The following CALN1 variants were observed in gnomAD, a reference collection of about 807,000 sequenced individuals.
The protein encoded by CALN1 is calneuron 1.
In CALN1, 17 loss-of-function variants were observed where a neutral mutation model predicts 30.6. The observed-to-expected ratio is 0.56, with a 90% CI of 0.38 to 0.83. The LOEUF (loss-of-function observed/expected upper bound fraction) is 0.83. CALN1 is among the 40% of genes least tolerant of loss of function. CALN1 has a pLI of 0.00. For missense variants in CALN1, 291 were observed against 354.9 expected (o/e 0.82, Z 1.45); for synonymous variants, 156 against 131.4 (o/e 1.19, Z -1.28).
chr7:72,431,685 A>G (rs996372211), intron 1 of CALN1, among the ~76,000 whole-genome samples: 9 of 152,098 alleles, frequency 5.9e-5, no homozygotes, highest in Non-Finnish European at 1.3e-4. Context: ...TCTACAGAAT[A>G]TTTAAAAATT....
intron 2 of CALN1, among the ~76,000 whole-genome samples, chr7:72,297,288 TAAC>T (rs960439704): frequency 2.7e-4 from 41 of 151,668 alleles, no homozygotes; most frequent in Non-Finnish European, 1.3e-4. Context: ...AGTTAAAAAA[TAAC>T]AACAAAATAA....
chr7:72,062,899 A>AT (rs1184405585), intron 4 of CALN1, among the ~76,000 whole-genome samples: 2 of 152,154 alleles, frequency 1.3e-5, no homozygotes, highest in Non-Finnish European at 2.9e-5. Flanking sequence ...CATTTAAAGA[A>AT]TTTTTTTCTT....
intron 3 of CALN1, among the ~76,000 whole-genome samples, chr7:72,129,304 C>T (rs550184589): frequency 2.6e-5 from 4 of 152,080 alleles, no homozygotes; most frequent in Non-Finnish European, 5.9e-5. Context: ...AATTCTTTGA[C>T]GTGCAATTTG....
chr7:72,390,141 G>T (rs959914296), intron 2 of CALN1, among the ~76,000 whole-genome samples: 1 of 151,902 alleles, frequency 6.6e-6, no homozygotes, highest in Non-Finnish European at 1.5e-5. Context: ...AGAAATAAGG[G>T]GGATTGGGGC....
intron 5 of CALN1, among the ~76,000 whole-genome samples, chr7:71,824,908 C>A (rs1056858122): frequency 6.6e-6 from 1 of 152,066 alleles, no homozygotes; most frequent in Non-Finnish European, 1.5e-5. Context: ...TGGAGTCCTA[C>A]CTACACAGTT....
intron 4 of CALN1, among the ~76,000 whole-genome samples, chr7:72,028,743 C>T (rs1441207521): frequency 6.6e-6 from 1 of 152,182 alleles, no homozygotes; most frequent in Non-Finnish European, 1.5e-5. Context: ...GTAATCCCAA[C>T]ACTTTGGGAG....
chr7:72,078,049 G>T (rs1436030241), intron 4 of CALN1, among the ~76,000 whole-genome samples: 1 of 152,130 alleles, frequency 6.6e-6, no homozygotes, highest in Non-Finnish European at 1.5e-5. Flanking sequence ...AGCAATCCCG[G>T]CTAATGACTA....
At chr7:71,977,401 C>T (rs1002099403) in intron 5 of CALN1, among the ~76,000 whole-genome samples, 4 of 152,124 alleles carry the variant, frequency 2.6e-5, no homozygotes, top group African/African-American at 9.7e-5. Flanking sequence ...CACCACTGCA[C>T]TCCAGTCTGG....
intron 3 of CALN1, among the ~76,000 whole-genome samples, chr7:72,163,659 T>C (rs1054934784): frequency 6.6e-6 from 1 of 152,104 alleles, no homozygotes; most frequent in Non-Finnish European, 1.5e-5. Context: ...GTTCACTGGA[T>C]GGGCTTAACA....
At chr7:72,041,644 A>C (rs1469806180) in intron 4 of CALN1, among the ~76,000 whole-genome samples, 2 of 152,138 alleles carry the variant, frequency 1.3e-5, no homozygotes, top group African/African-American at 4.8e-5. Flanking sequence ...TCAGCCTCCC[A>C]AAGTGCTGGG....
At chr7:71,825,210 G>C (rs992993259) in intron 5 of CALN1, among the ~76,000 whole-genome samples, 12 of 152,158 alleles carry the variant, frequency 7.9e-5, no homozygotes, top group Non-Finnish European at 2.9e-5. Context: ...GAGTCTGACT[G>C]GTATGGTTTG....
At chr7:71,947,225 G>T (rs2129523574) in intron 5 of CALN1, among the ~76,000 whole-genome samples, 1 of 152,204 alleles carries the variant, frequency 6.6e-6, no homozygotes, top group East Asian at 1.9e-4. Context: ...TGCCCAGGCT[G>T]GTCTCAAACT....
chr7:72,228,274 C>T (rs1396850082), intron 3 of CALN1, among the ~76,000 whole-genome samples: 1 of 151,744 alleles, frequency 6.6e-6, no homozygotes, highest in Non-Finnish European at 1.5e-5. Context: ...CTTCACTCAA[C>T]ATTCTGTCCT....
chr7:72,291,897 C>T (rs554750758), intron 2 of CALN1, among the ~76,000 whole-genome samples: 12 of 152,122 alleles, frequency 7.9e-5, no homozygotes, highest in Non-Finnish European at 1.3e-4. Flanking sequence ...CAGACATGAG[C>T]CACCGAGCCT....
the CALN1 span, among the ~76,000 whole-genome samples, chr7:72,466,547 C>G: frequency 6.6e-6 from 1 of 152,112 alleles, no homozygotes; most frequent in Non-Finnish European, 1.5e-5. Context: ...AGTTTGAGAC[C>G]AGCCTGGCCA....
intron 5 of CALN1, among the ~76,000 whole-genome samples, chr7:71,991,062 C>A (rs1474083738): frequency 6.6e-6 from 1 of 150,892 alleles, no homozygotes; most frequent in Non-Finnish European, 1.5e-5. Context: ...GGGGGGTCGA[C>A]AAATATGAAG....
At chr7:72,090,583 C>T (rs1267756025) in intron 4 of CALN1, among the ~76,000 whole-genome samples, 1 of 152,002 alleles carries the variant, frequency 6.6e-6, no homozygotes, top group Non-Finnish European at 1.5e-5. Flanking sequence ...GTAACAAATA[C>T]ACAACAAAAA....
At chr7:72,364,298 T>TGTCG (rs67576180) in intron 2 of CALN1, among the ~76,000 whole-genome samples, 1 of 202 alleles carries the variant, frequency 5.0e-3, no homozygotes, top group Non-Finnish European at 0.036. Flanking sequence ...TTCTAAAACT[T>TGTCG]GTAAGATTCA....
At chr7:72,125,004 C>A (rs1174200606) in intron 3 of CALN1, among the ~76,000 whole-genome samples, 2 of 151,860 alleles carry the variant, frequency 1.3e-5, no homozygotes, top group Non-Finnish European at 2.9e-5. Context: ...TGAATATCAC[C>A]ATAATATACC....
Sources: gnomAD v4.1 joint callset for allele counts (sites outside exome capture counted in the v4.1 genomes callset) on GRCh38, gnomAD v4.1.1 for gene constraint, MANE v1.5 for transcripts, NCBI Gene and HGNC (gene_info 2026-07-23, HGNC 2026-07-21) for gene names.